NMI: variants seen among roughly 807,000 people sequenced by gnomAD.
The protein encoded by NMI is N-myc-interactor.
NMI carries 39 observed loss-of-function variants against 34.3 expected under a neutral mutation model. The ratio of observed to expected loss-of-function variants is 1.14; its 90% CI spans 0.88 to 1.49. The LOEUF (loss-of-function observed/expected upper bound fraction) is 1.49. Ranked by LOEUF, NMI falls within the 40% of genes most tolerant of loss-of-function variation. The pLI, the probability that NMI is intolerant of heterozygous loss-of-function variation, is 0.00. For synonymous variants in NMI, 113 were observed against 120.3 expected (o/e 0.94, Z 0.40); for missense variants, 339 against 358.1 (o/e 0.95, Z 0.43).
chr2:151,281,888 C>T (rs1244555167), intron 3 of NMI, 60 bp downstream of exon 3: 2 of 839,080 alleles, frequency 2.4e-6, no homozygotes, highest in Non-Finnish European at 4.0e-6. Context: ...AATTAAAATG[C>T]TTTTTCCAAA....
At position 151,282,960 on chromosome 2, in the gene NMI, A is replaced by G. The variant is rs370311968; in HGVS notation, c.-6-6T>C. On this transcript the variant is annotated splice_region_variant and splice_polypyrimidine_tract_variant and intron_variant, in intron 1 of 7. Coordinates refer to ENST00000243346, the MANE Select transcript of NMI (RefSeq NM_004688.3). The stretch of plus-strand genomic sequence containing the variant: ...TTATCAGCTTCCATGATCCCCTAAT[A>G]TTATAAAAAATAAATATTATAAGCA... 1.7e-4 allele frequency: 239 copies of G among 1,390,212 alleles called. 5 individuals are homozygous for G. In the South Asian group the frequency reaches 3.3e-3, roughly 19 times the overall value. 86.1% of individuals were successfully genotyped at this position (1,390,212 alleles called of 1,614,324 possible).
chr2:151,285,398 GATA>G (rs1683476766), intron 1 of NMI, among the ~76,000 whole-genome samples: 1 of 131,134 alleles, frequency 7.6e-6, no homozygotes, highest in African/African-American at 2.7e-5. Context: ...TAGATAGATA[GATA>G]GATAAATAGA....
Position 151,282,898 on chromosome 2 carries a change from T to G in NMI, c.51A>C (p.Pro17=), listed in dbSNP as rs754421107. Reference sequence around the variant, plus strand: ...TTTGTTCATCTTTTATAAATTCATCTGGCGAATGCTCCTTAAGAATTTGTT... The same window carrying G: ...TTTGTTCATCTTTTATAAATTCATCGGGCGAATGCTCCTTAAGAATTTGTT... ...DTQQILKEHS[P]DEFIKDEQNK... is the part of the protein sequence containing the mutation. The change falls in exon 2 of 8, where the codon CCA becomes CCC. Residue 17 remains proline, a synonymous_variant. Transcript: ENST00000243346. 47 of 1,530,298 alleles carry G rather than the reference T, an allele frequency of 3.1e-5. No individual in the cohort carries two copies. Among genetic ancestry groups the G allele is most frequent in the Non-Finnish European group, 3.4e-5 (39 of 1,131,882 alleles). The allele number at this position is 1,530,298 out of a possible 1,614,324, so 94.8% of individuals were successfully genotyped here.
chr2:151,276,965 C>T (rs1683301981), intron 4 of NMI, among the ~76,000 whole-genome samples: 1 of 152,164 alleles, frequency 6.6e-6, no homozygotes, highest in African/African-American at 2.4e-5. Flanking sequence ...AACTCTATGT[C>T]AATTAAAAAT....
At chr2:151,284,605 A>T (rs1683462961) in intron 1 of NMI, among the ~76,000 whole-genome samples, 1 of 152,058 alleles carries the variant, frequency 6.6e-6, no homozygotes, top group Non-Finnish European at 1.5e-5. Context: ...GCATTGACTA[A>T]ATGTTTTTTT....
At chr2:151,280,617 T>A (rs181876943) in intron 3 of NMI, among the ~76,000 whole-genome samples, 2 of 152,302 alleles carry the variant, frequency 1.3e-5, no homozygotes, top group East Asian at 3.9e-4. Flanking sequence ...TTACTTAAGC[T>A]CTCTGATCAC....
intron 2 of NMI, among the ~76,000 whole-genome samples, 181 bp from the exon 3 acceptor site, chr2:151,282,224 C>G (rs764357462): frequency 8.5e-5 from 13 of 152,192 alleles, no homozygotes; most frequent in Non-Finnish European, 1.6e-4. Flanking sequence ...CCTGTCTATT[C>G]TAACATTGCC....
chr2:151,278,911 A>C lies in NMI; in HGVS notation c.257T>G (p.Ile86Ser). ...TPENDSQLSN[I>S]SCSFQVSSKV... ...CGAGCTCACTTGAAACGAACAGGAGATATTTGACAACTGGCTGTCATTCTC... is the reference window on the plus strand; with the variant it reads ...CGAGCTCACTTGAAACGAACAGGAGCTATTTGACAACTGGCTGTCATTCTC... Residue 86 changes from isoleucine (I) to serine (S), a missense_variant, in exon 4 of 8, where the codon ATC becomes AGC. Physicochemically the swap from Ile to Ser is moderately radical, Grantham distance 142. Transcript: ENST00000243346. The C allele has an allele frequency of 1.2e-6, 2 of 1,612,620 alleles. No homozygotes were observed. The highest frequency in any genetic ancestry group is 1.7e-6 in the Non-Finnish European group (2 of 1,178,780).
At chr2:151,271,835 A>G (rs865967914) in intron 6 of NMI, 103 bp from the exon 7 acceptor site, 4 of 609,460 alleles carry the variant, frequency 6.6e-6, no homozygotes, top group Middle Eastern at 4.2e-4. Flanking sequence ...GTAAATATTG[A>G]GTTAAAAGAT....
chr2:151,280,576 A>G (rs1308193448), intron 3 of NMI, among the ~76,000 whole-genome samples: 1 of 152,200 alleles, frequency 6.6e-6, no homozygotes. Context: ...GCTTGATTCT[A>G]TTTCTGACCA....
At chr2:151,284,139 C>T (rs986992958) in intron 1 of NMI, among the ~76,000 whole-genome samples, 3 of 152,020 alleles carry the variant, frequency 2.0e-5, no homozygotes, top group African/African-American at 7.2e-5. Context: ...GGGTGGATCA[C>T]AAGGTTAAGA....
At chr2:151,272,425 C>T (rs1229522294) in intron 6 of NMI, among the ~76,000 whole-genome samples, 1 of 152,032 alleles carries the variant, frequency 6.6e-6, no homozygotes, top group African/African-American at 2.4e-5. Context: ...AGAGTGTAGG[C>T]CCTCATTGGC....
intron 1 of NMI, 33 bp from the exon 2 acceptor site, chr2:151,282,987 A>G: frequency 9.5e-7 from 1 of 1,056,798 alleles, no homozygotes; most frequent in Non-Finnish European, 1.4e-6. Flanking sequence ...TTATAAGCAT[A>G]GCATATATAC....
Position 151,276,209 on chromosome 2 carries a change from C to T in NMI, c.341-345G>A, listed in dbSNP as rs117534110. ...CTATGATTACAGGTGCATGCCACCA[C>T]GCCTAGCTAATTTTTTTAACTTTTT... On this transcript the variant is annotated intron_variant, in intron 4 of 7. Coordinates refer to ENST00000243346, the MANE Select transcript of NMI (RefSeq NM_004688.3). 7.5e-3 allele frequency among the ~76,000 whole-genome samples: 1,141 copies of T among 152,124 alleles called. 27 individuals carry two copies. The East Asian group carries it at 0.085, about 11-fold the overall frequency.
rs1573739812 is a variant in NMI at position 151,270,805 on chromosome 2, A to G, written c.812T>C (p.Ile271Thr). ...GMEGIQMDEEIVEDLINIHFQ... is the reference protein window; with the variant it reads ...GMEGIQMDEETVEDLINIHFQ... ...GTGAATGTTAATTAAATCCTCCACA[A>G]TTTCTTCATCCATTTGAATGCCTTC... is the stretch of plus-strand genomic sequence containing the variant. Residue 271 changes from isoleucine to threonine, a missense_variant, in exon 8 of 8, where the codon ATT (isoleucine) becomes ACT (threonine). Transcript: ENST00000243346. The G allele has an allele frequency of 3.1e-6, 5 of 1,613,890 alleles. No individual in the cohort carries two copies. The East Asian group carries it at 1.1e-4, about 36-fold the overall frequency.
intron 3 of NMI, among the ~76,000 whole-genome samples, chr2:151,279,200 T>G (rs1026236910): frequency 6.6e-5 from 10 of 152,206 alleles, no homozygotes; most frequent in Admixed American, 2.0e-4. Flanking sequence ...TAATATCATT[T>G]CACAGATGAA....
intron 3 of NMI, among the ~76,000 whole-genome samples, chr2:151,279,721 CTGCCTTG>C (rs1435186777): frequency 2.0e-5 from 3 of 152,116 alleles, no homozygotes; most frequent in African/African-American, 7.2e-5. Flanking sequence ...CATGATCTGC[CTGCCTTG>C]GTCTCCCAAA....
chr2:151,278,572 G>A, intron 4 of NMI: 1 of 409,408 alleles, frequency 2.4e-6, no homozygotes, highest in East Asian at 4.9e-5. Context: ...AGTAGAAAGA[G>A]GCTGGTATTG....
intron 6 of NMI, among the ~76,000 whole-genome samples, chr2:151,273,815 C>T (rs757175713): frequency 6.6e-6 from 1 of 152,304 alleles, no homozygotes. Flanking sequence ...AGCCACTGCG[C>T]CTGGCCAGAT....
Sources: gnomAD v4.1 joint callset for allele counts (sites outside exome capture counted in the v4.1 genomes callset) on GRCh38, gnomAD v4.1.1 for gene constraint, MANE v1.5 for transcripts, NCBI Gene and HGNC (gene_info 2026-07-23, HGNC 2026-07-21) for gene names.